PPM1A: variants seen among roughly 807,000 people sequenced by gnomAD.
PPM1A encodes the protein protein phosphatase 1A.
PPM1A carries 7 observed loss-of-function variants against 35.0 expected under a neutral mutation model. That is an observed-to-expected ratio of 0.20 (90% CI 0.11 to 0.38). The LOEUF is 0.38. Ranked by LOEUF, PPM1A falls within the 10% of genes least tolerant of loss-of-function variation. The pLI is 1.00. For synonymous variants in PPM1A, 153 were observed against 167.3 expected (o/e 0.91, Z 0.66); for missense variants, 239 against 467.8 (o/e 0.51, Z 4.51).
chr14:60,247,149 A>G (rs1881831256), upstream of PPM1A, among the ~76,000 whole-genome samples: 1 of 152,192 alleles, frequency 6.6e-6, no homozygotes. Context: ...TCATGCTGTT[A>G]CTTGCCTGGA....
rs528603992 is a variant in PPM1A, at chr14:60,251,498, A to C, written c.-21+1821A>C. Among the ~76,000 whole-genome samples the C allele has an allele frequency of 2.6e-5, 4 of 152,228 alleles. No homozygotes were observed. The South Asian group carries it at 6.2e-4, about 24-fold the overall frequency. ...TTGTTTAGTCATGGCTGTGCTCCAA[A>C]ATATCTGTGTCCATGGACAAGTCCT... On this transcript the variant is annotated intron_variant, in intron 1 of 5. Transcript: ENST00000395076.
chr14:60,258,514 C>T (rs1883390739), intron 1 of PPM1A, among the ~76,000 whole-genome samples: 1 of 151,992 alleles, frequency 6.6e-6, no homozygotes, highest in Non-Finnish European at 1.5e-5. Flanking sequence ...GAGTGTGTAT[C>T]TAATGATGTT....
At chr14:60,284,657 GAC>G (rs1229449175) in intron 2 of PPM1A, among the ~76,000 whole-genome samples, 1 of 143,266 alleles carries the variant, frequency 7.0e-6, no homozygotes, top group Non-Finnish European at 1.5e-5. Context: ...AAAAAAAAAA[GAC>G]TGTTGAGGAA....
At chr14:60,270,855 A>G (rs868125494) in intron 1 of PPM1A, among the ~76,000 whole-genome samples, 33 of 152,212 alleles carry the variant, frequency 2.2e-4, no homozygotes, top group African/African-American at 7.5e-4. Flanking sequence ...AAATTACTGC[A>G]CATTTTCATC....
chr14:60,268,700 G>A (rs1204831739), intron 1 of PPM1A, among the ~76,000 whole-genome samples: 1 of 150,856 alleles, frequency 6.6e-6, no homozygotes, highest in East Asian at 1.9e-4. Flanking sequence ...ACTATTGCTG[G>A]CTTAAAGGTG....
intron 3 of PPM1A, chr14:60,288,094 G>A: frequency 1.0e-6 from 1 of 982,440 alleles, no homozygotes; most frequent in Non-Finnish European, 1.2e-6. Flanking sequence ...GCAGACAGAA[G>A]CAAGGCTAGT....
At chr14:60,267,053 C>T (rs1419469864) in intron 1 of PPM1A, among the ~76,000 whole-genome samples, 1 of 152,222 alleles carries the variant, frequency 6.6e-6, no homozygotes, top group East Asian at 1.9e-4. Flanking sequence ...TTTCTATAGT[C>T]AAATAATCTT....
At position 60,282,852 on chromosome 14, in the gene PPM1A, T is replaced by C. The variant is rs1463007357; in HGVS notation, c.149T>C (p.Leu50Pro). 6.2e-7 allele frequency: 1 copy of C among 1,614,146 alleles called. No homozygotes were observed. The change falls in exon 2 of 6, where the codon CTT (leucine) becomes CCT (proline). Residue 50 changes from leucine to proline, a missense_variant. Around this residue, in one of 2 missense-constraint regions of PPM1A, gnomAD observed 175 missense variants for 389.2 expected, o/e 0.45. Coordinates refer to ENST00000395076, the MANE Select transcript of PPM1A (RefSeq NM_021003.5). This position sits in a 1 kb window ranked among gnomAD's most constrained non-coding sequence, Gnocchi z 5.1. ...HTAVIGLPSG[L>P]ESWSFFAVYD... Reference sequence around the variant, plus strand: ...GCTGTGATCGGTTTGCCAAGTGGACTTGAATCGTGGTCATTCTTTGCTGTG... The same window carrying C: ...GCTGTGATCGGTTTGCCAAGTGGACCTGAATCGTGGTCATTCTTTGCTGTG...
chr14:60,280,897 T>C (rs1886329225), intron 1 of PPM1A, among the ~76,000 whole-genome samples: 1 of 152,124 alleles, frequency 6.6e-6, no homozygotes, highest in South Asian at 2.1e-4. Flanking sequence ...AGAGACCCAT[T>C]TTCTTAGGGG....
At chr14:60,274,109 G>T (rs1323501735) in intron 1 of PPM1A, among the ~76,000 whole-genome samples, 2 of 152,152 alleles carry the variant, frequency 1.3e-5, no homozygotes, top group African/African-American at 2.4e-5. Flanking sequence ...ATGTTTAATG[G>T]CTTGGGAGAT....
chr14:60,272,313 TCA>T (rs2096520614), intron 1 of PPM1A, among the ~76,000 whole-genome samples: 1 of 152,072 alleles, frequency 6.6e-6, no homozygotes, highest in African/African-American at 2.4e-5. Flanking sequence ...GAATTTTTTC[TCA>T]CAAGTTTTTT....
At chr14:60,260,064 C>G (rs986286941) in intron 1 of PPM1A, among the ~76,000 whole-genome samples, 41 of 152,022 alleles carry the variant, frequency 2.7e-4, no homozygotes, top group African/African-American at 9.7e-4. Context: ...TCTGTGCAAA[C>G]TATGGTTTGA....
intron 1 of PPM1A, chr14:60,250,330 ACTT>A (rs1227637816): frequency 1.5e-6 from 1 of 658,392 alleles, no homozygotes; most frequent in Non-Finnish European, 1.9e-6. Context: ...ATCGGGTAAA[ACTT>A]CTTGATGTTA....
intron 4 of PPM1A, among the ~76,000 whole-genome samples, chr14:60,290,467 G>A (rs979497083): frequency 3.3e-5 from 5 of 152,118 alleles, no homozygotes; most frequent in African/African-American, 4.8e-5. Context: ...ACTACTTTGT[G>A]TTAAATATTA....
chr14:60,246,149 A>C, upstream of PPM1A: 2 of 1,117,882 alleles, frequency 1.8e-6, no homozygotes, highest in East Asian at 5.2e-5. Context: ...GGGTATTCTC[A>C]AATACTAGCC....
At chr14:60,270,045 T>C (rs1884899135) in intron 1 of PPM1A, among the ~76,000 whole-genome samples, 2 of 152,234 alleles carry the variant, frequency 1.3e-5, no homozygotes, top group Non-Finnish European at 2.9e-5. Flanking sequence ...GGTTTTCTTA[T>C]TTACAATGTG....
chr14:60,267,988 A>C (rs2139424574), intron 1 of PPM1A, among the ~76,000 whole-genome samples: 1 of 152,250 alleles, frequency 6.6e-6, no homozygotes, highest in African/African-American at 2.4e-5. Context: ...TCTCTTACAT[A>C]ACCATAGTTC....
intron 4 of PPM1A, among the ~76,000 whole-genome samples, chr14:60,290,528 T>C (rs1470970034): frequency 6.6e-6 from 1 of 152,200 alleles, no homozygotes; most frequent in African/African-American, 2.4e-5. Flanking sequence ...TTCCAAGGGT[T>C]AAAACATTTT....
chr14:60,259,081 A>C (rs887551900), intron 1 of PPM1A, among the ~76,000 whole-genome samples: 2 of 152,026 alleles, frequency 1.3e-5, no homozygotes, highest in African/African-American at 4.8e-5. Context: ...ATTAAATAGA[A>C]CTTTCACTTG....
Sources: gnomAD v4.1 joint callset for allele counts (sites outside exome capture counted in the v4.1 genomes callset) on GRCh38, gnomAD v4.1.1 for gene constraint, gnomAD v4.1.1 regional missense constraint, Gnocchi (gnomAD v3.1) non-coding constraint, MANE v1.5 for transcripts, NCBI Gene and HGNC (gene_info 2026-07-23, HGNC 2026-07-21) for gene names.